R3HDM2: variants seen among roughly 807,000 people sequenced by gnomAD.
The protein encoded by R3HDM2 is R3H domain-containing protein 2.
A neutral mutation model predicts 124.5 loss-of-function variants in R3HDM2; 38 were observed. That is an observed-to-expected ratio of 0.31 (90% CI 0.24 to 0.40). The LOEUF (loss-of-function observed/expected upper bound fraction) is 0.40. Ranked by LOEUF, R3HDM2 falls within the 10% of genes least tolerant of loss-of-function variation. R3HDM2 has a pLI of 1.00. For missense variants in R3HDM2, 869 were observed against 1,236.9 expected, an observed-to-expected ratio of 0.70 and a Z score of 4.46; for synonymous variants, 391 against 448.0, an observed-to-expected ratio of 0.87 and a Z score of 1.61.
At chr12:57,397,582 G>A (rs569289978) in intron 1 of R3HDM2, among the ~76,000 whole-genome samples, 3 of 152,156 alleles carry the variant, frequency 2.0e-5, no homozygotes, top group Non-Finnish European at 2.9e-5. Context: ...CTAAAGTTGC[G>A]AAGGAATGGC....
intron 1 of R3HDM2, among the ~76,000 whole-genome samples, chr12:57,420,249 T>C (rs759765709): frequency 1.3e-5 from 2 of 152,158 alleles, no homozygotes; most frequent in Non-Finnish European, 2.9e-5. Context: ...TCCTTGCACA[T>C]TCCCTCTAAT....
intron 1 of R3HDM2, among the ~76,000 whole-genome samples, chr12:57,423,144 G>A (rs777308888): frequency 5.9e-5 from 9 of 151,384 alleles, no homozygotes; most frequent in Admixed American, 2.0e-4. Flanking sequence ...ATCTGTGGCC[G>A]GGCGCGGTGG....
intron 2 of R3HDM2, among the ~76,000 whole-genome samples, chr12:57,370,178 A>AT (rs1327032620): frequency 1.3e-5 from 2 of 152,264 alleles, no homozygotes; most frequent in African/African-American, 4.8e-5. Flanking sequence ...CGCTGTTCTC[A>AT]TGCTAGTGAG....
intron 17 of R3HDM2, 132 bp downstream of exon 17, chr12:57,268,790 A>T: frequency 8.1e-7 from 1 of 1,236,276 alleles, no homozygotes; most frequent in South Asian, 1.5e-5. Context: ...TATAGGAAAA[A>T]AACCTAAAAA....
intron 2 of R3HDM2, 55 bp from the exon 3 acceptor site, chr12:57,310,518 A>G: frequency 1.0e-6 from 1 of 964,632 alleles, no homozygotes; most frequent in Non-Finnish European, 1.4e-6. Context: ...CTTAACAAAT[A>G]CACAAGACTC....
intron 2 of R3HDM2, among the ~76,000 whole-genome samples, chr12:57,312,781 G>A (rs2054185601): frequency 6.6e-6 from 1 of 151,834 alleles, no homozygotes; most frequent in African/African-American, 2.4e-5. Flanking sequence ...TTTATCTTAA[G>A]CAAGCTGGCT....
chr12:57,411,859 G>A (rs1014844172), intron 1 of R3HDM2, among the ~76,000 whole-genome samples: 2 of 152,126 alleles, frequency 1.3e-5, no homozygotes, highest in African/African-American at 4.8e-5. Flanking sequence ...GGGTGTTGAC[G>A]GAGAGACCTG....
intron 2 of R3HDM2, among the ~76,000 whole-genome samples, chr12:57,384,466 GAAT>G (rs763492562): frequency 2.6e-5 from 4 of 152,084 alleles, no homozygotes; most frequent in Non-Finnish European, 5.9e-5. Context: ...CTATAAAACA[GAAT>G]AATAAGAGTA....
intron 1 of R3HDM2, among the ~76,000 whole-genome samples, chr12:57,424,285 G>A (rs964452743): frequency 6.6e-6 from 1 of 151,658 alleles, no homozygotes; most frequent in Non-Finnish European, 1.5e-5. Context: ...AGCCTCCCGA[G>A]TAGCTGGGAT....
At chr12:57,384,634 G>A (rs1302263214) in intron 2 of R3HDM2, among the ~76,000 whole-genome samples, 1 of 152,126 alleles carries the variant, frequency 6.6e-6, no homozygotes, top group Admixed American at 6.5e-5. Context: ...AGGTATCCAT[G>A]GAGAAATGAA....
intron 19 of R3HDM2, among the ~76,000 whole-genome samples, chr12:57,262,908 G>A (rs1182246566): frequency 6.6e-6 from 1 of 152,096 alleles, no homozygotes; most frequent in Non-Finnish European, 1.5e-5. Flanking sequence ...GGGTAACTAA[G>A]AACAAAGGAG....
Position 57,299,432 on chromosome 12 carries a change from TC to T in R3HDM2, c.340del (p.Glu114LysfsTer39). On this transcript the variant is annotated frameshift_variant, in exon 6 of 24. Transcript: ENST00000402412. LOFTEE classifies it high-confidence loss of function. ...HISCPSDKEE[E>X]KSTKDVSEKE... ...TTCAGAGACATCTTTTGTGGACTTT[TC>T]TTCCTCCTTGTCAGAAGGGCAACTG... The T allele has an allele frequency of 6.5e-7, 1 of 1,544,792 alleles. No individual in the cohort carries two copies. Among genetic ancestry groups the T allele is most frequent in the Non-Finnish European group, 8.8e-7 (1 of 1,140,528 alleles).
chr12:57,375,569 C>A (rs1158257111), intron 2 of R3HDM2, among the ~76,000 whole-genome samples: 1 of 152,040 alleles, frequency 6.6e-6, no homozygotes, highest in Non-Finnish European at 1.5e-5. Context: ...TTCTTAAATT[C>A]TCTAGACTCT....
intron 2 of R3HDM2, among the ~76,000 whole-genome samples, chr12:57,331,666 G>C (rs2058214416): frequency 6.6e-6 from 1 of 152,142 alleles, no homozygotes; most frequent in Admixed American, 6.5e-5. Flanking sequence ...TGTAATCCCA[G>C]CACTTTGGGA....
intron 13 of R3HDM2, among the ~76,000 whole-genome samples, chr12:57,282,312 A>AG (rs397703034): frequency 6.6e-6 from 1 of 151,400 alleles, no homozygotes; most frequent in Non-Finnish European, 1.5e-5. Context: ...AAAAAAAAAA[A>AG]GGAAAGAAAG....
At chr12:57,387,949 C>G (rs1440874871) in intron 2 of R3HDM2, among the ~76,000 whole-genome samples, 1 of 130,336 alleles carries the variant, frequency 7.7e-6, no homozygotes, top group Non-Finnish European at 1.6e-5. Flanking sequence ...GCAGGGGCCT[C>G]AAGACAGACA....
intron 2 of R3HDM2, among the ~76,000 whole-genome samples, chr12:57,328,697 C>T (rs1224767739): frequency 6.6e-6 from 1 of 152,068 alleles, no homozygotes; most frequent in Non-Finnish European, 1.5e-5. Flanking sequence ...TGTCACTGCA[C>T]CTGGCAGCAA....
At chr12:57,297,584 G>A (rs993987710) in intron 7 of R3HDM2, among the ~76,000 whole-genome samples, 197 bp from the exon 8 acceptor site, 7 of 152,034 alleles carry the variant, frequency 4.6e-5, no homozygotes, top group African/African-American at 9.7e-5. Flanking sequence ...AAAACAACCC[G>A]AGTATACATT....
intron 2 of R3HDM2, among the ~76,000 whole-genome samples, chr12:57,369,674 T>G (rs1395332553): frequency 6.6e-6 from 1 of 152,132 alleles, no homozygotes; most frequent in Non-Finnish European, 1.5e-5. Context: ...TTTCCTACAC[T>G]ATTACCCTAT....
Sources: allele counts gnomAD v4.1 joint callset (sites outside exome capture counted in the v4.1 genomes callset), GRCh38; gene constraint gnomAD v4.1.1; transcripts MANE v1.5; gene names NCBI Gene and HGNC (gene_info 2026-07-23, HGNC 2026-07-21).